OTUD7B: variants seen among roughly 807,000 people sequenced by gnomAD.
OTUD7B encodes the protein OTU domain-containing protein 7B.
OTUD7B carries 34 observed loss-of-function variants against 82.2 expected under a neutral mutation model. That is an observed-to-expected ratio of 0.41 (90% confidence interval 0.31 to 0.55). The LOEUF (loss-of-function observed/expected upper bound fraction) is 0.55, where lower values mean the gene tolerates loss of function less well. Ranked by LOEUF, OTUD7B falls within the 20% of genes least tolerant of loss-of-function variation. The pLI, the probability that OTUD7B is intolerant of heterozygous loss-of-function variation, is 0.20. For missense variants in OTUD7B, 944 were observed against 1,062.1 expected (o/e 0.89, Z 1.55); for synonymous variants, 398 against 402.7 (o/e 0.99, Z 0.14).
At chr1:149,951,992 G>A (rs1341827191) in intron 7 of OTUD7B, among the ~76,000 whole-genome samples, 1 of 151,584 alleles carries the variant, frequency 6.6e-6, no homozygotes, top group Non-Finnish European at 1.5e-5. Context: ...TTTCAGGAAT[G>A]CACCCAAAGC....
At chr1:150,039,856 G>A in the OTUD7B span, among the ~76,000 whole-genome samples, 2,466 of 151,904 alleles carry the variant, frequency 0.016, 65 homozygotes, top group African/African-American at 0.057. Context: ...TTCCTTATAC[G>A]GAGCCATTTT....
At chr1:150,014,084 G>GTGTA (rs1336267152), upstream of OTUD7B, among the ~76,000 whole-genome samples, 764 of 30,276 alleles carry the variant, frequency 0.025, 3 homozygotes, top group South Asian at 0.032. Context: ...GTGTGTGTGT[G>GTGTA]TATATATATA....
chr1:150,062,967 G>A, the OTUD7B span, among the ~76,000 whole-genome samples: 44 of 151,376 alleles, frequency 2.9e-4, no homozygotes, highest in African/African-American at 1.0e-3. Flanking sequence ...ACCCATCTCC[G>A]CCTCCCAAAG....
intron 7 of OTUD7B, among the ~76,000 whole-genome samples, chr1:149,956,290 A>C (rs1419718932): frequency 6.6e-6 from 1 of 152,104 alleles, no homozygotes; most frequent in Non-Finnish European, 1.5e-5. Context: ...TCCTTCACTT[A>C]TGAAGCTTAG....
intron 1 of OTUD7B, among the ~76,000 whole-genome samples, chr1:149,981,700 T>G (rs1650742323): frequency 6.6e-6 from 1 of 152,234 alleles, no homozygotes; most frequent in Non-Finnish European, 1.5e-5. Context: ...CTGACCTCAT[T>G]GTATAAACTT....
At chr1:149,973,973 C>T (rs1650113535) in intron 2 of OTUD7B, among the ~76,000 whole-genome samples, 1 of 151,294 alleles carries the variant, frequency 6.6e-6, no homozygotes, top group Admixed American at 6.6e-5. Context: ...TTCTCTGCCT[C>T]AGCCTCCCGA....
At chr1:149,946,855 C>A (rs1370709762) in intron 11 of OTUD7B, among the ~76,000 whole-genome samples, 1 of 150,954 alleles carries the variant, frequency 6.6e-6, no homozygotes, top group Non-Finnish European at 1.5e-5. Context: ...GCATTCGAGA[C>A]CAGCCTGGCC....
At chr1:150,013,937 A>ATATATAT (rs1553787932), upstream of OTUD7B, among the ~76,000 whole-genome samples, 10 of 81,828 alleles carry the variant, frequency 1.2e-4, 2 homozygotes, top group South Asian at 3.8e-4. Flanking sequence ...AAAAAAAAAT[A>ATATATAT]ATATATATAT....
At position 149,989,792 on chromosome 1, in the gene OTUD7B, CT is replaced by C. The variant is rs587598778; in HGVS notation, c.-66-12217del. Among the ~76,000 whole-genome samples the C allele has an allele frequency of 1.0e-3, 149 of 149,632 alleles. 1 individual carries two copies. Among genetic ancestry groups the C allele is most frequent in the African/African-American group, 3.6e-3 (147 of 40,848 alleles). On this transcript the variant is annotated intron_variant, in intron 1 of 11. Coordinates refer to ENST00000581312, the MANE Select transcript of OTUD7B (RefSeq NM_020205.4). ...GGCGGGGGGAGGGAGGGAAATTTGT[CT>C]TTTATAAAATTATATAATTCAGTTA...
At position 149,944,118 on chromosome 1, in the gene OTUD7B, A is replaced by G; in HGVS notation, c.2271T>C (p.Asp757=). 1 of 1,614,066 alleles carries G rather than the reference A, an allele frequency of 6.2e-7. No homozygotes were observed. Among genetic ancestry groups the G allele is most frequent in the Non-Finnish European group, 8.5e-7 (1 of 1,179,968 alleles). Residue 757 remains aspartate (D), a synonymous_variant, in exon 12 of 12, where the codon GAT becomes GAC. Transcript: ENST00000581312. The part of the protein sequence containing the change: ...PSLEPGSHSK[D]GLHRGALLPP... ...GTAACAAGGCACCCCTGTGAAGTCC[A>G]TCCTTAGAGTGGCTGCCTGGCTCCA... is the stretch of plus-strand genomic sequence containing the variant.
chr1:150,036,876 G>C, the OTUD7B span, among the ~76,000 whole-genome samples: 1 of 152,016 alleles, frequency 6.6e-6, no homozygotes, highest in Admixed American at 6.6e-5. Flanking sequence ...AATAATGTGA[G>C]CTCATGTATG....
chr1:150,043,531 A>G, the OTUD7B span, among the ~76,000 whole-genome samples: 3 of 152,248 alleles, frequency 2.0e-5, no homozygotes, highest in African/African-American at 7.2e-5. Flanking sequence ...GAGCTCTTCA[A>G]AAATGGAATA....
the OTUD7B span, among the ~76,000 whole-genome samples, chr1:150,061,968 G>A: frequency 6.6e-6 from 1 of 152,072 alleles, no homozygotes; most frequent in Non-Finnish European, 1.5e-5. Context: ...AGGTTTCGAT[G>A]CAGAGATCTA....
intron 1 of OTUD7B, among the ~76,000 whole-genome samples, chr1:149,990,892 G>A (rs1553781939): frequency 6.6e-6 from 1 of 151,948 alleles, no homozygotes; most frequent in African/African-American, 2.4e-5. Context: ...TTGGGAGGCT[G>A]AGACAGGAGA....
In OTUD7B at chr1:149,950,359, C is replaced by T. The variant is rs587769135; in HGVS notation, c.846-138G>A. 329 of 752,822 alleles carry T rather than the reference C, an allele frequency of 4.4e-4. 2 individuals carry two copies. Among genetic ancestry groups the T allele is most frequent in the South Asian group, 2.8e-3 (147 of 52,644 alleles). The allele number at this position is 752,822 out of a possible 1,614,324, so 46.6% of individuals were successfully genotyped here. ...TGGTTTTCCAATCTTAAGGCTGCCACTGATATAGCTGATTATTTTATGCTA... is the reference window on the plus strand; with the variant it reads ...TGGTTTTCCAATCTTAAGGCTGCCATTGATATAGCTGATTATTTTATGCTA... On this transcript the variant is annotated intron_variant, in intron 7 of 11. Coordinates refer to ENST00000581312, the MANE Select transcript of OTUD7B (RefSeq NM_020205.4).
At chr1:150,021,604 C>T in the OTUD7B span, among the ~76,000 whole-genome samples, 17 of 152,240 alleles carry the variant, frequency 1.1e-4, no homozygotes, top group South Asian at 2.3e-3. Flanking sequence ...CCCCAGAGCT[C>T]CCTGTATGGG....
intron 1 of OTUD7B, among the ~76,000 whole-genome samples, chr1:149,984,272 G>T (rs587717635): frequency 6.6e-6 from 1 of 152,022 alleles, no homozygotes; most frequent in Admixed American, 6.6e-5. Flanking sequence ...AAGCAAGAGG[G>T]GTTCCTTTAG....
chr1:149,950,854 C>T (rs1478157877), intron 7 of OTUD7B, among the ~76,000 whole-genome samples: 4 of 145,502 alleles, frequency 2.7e-5, no homozygotes, highest in East Asian at 4.0e-4. Context: ...AGCAGTGGCG[C>T]GATCTCGGCT....
the OTUD7B span, among the ~76,000 whole-genome samples, chr1:150,032,335 A>G: frequency 6.6e-6 from 1 of 151,508 alleles, no homozygotes; most frequent in Non-Finnish European, 1.5e-5. Flanking sequence ...GAAAAAAAAA[A>G]GCACACCATG....
Sources: gnomAD v4.1 joint callset for allele counts (sites outside exome capture counted in the v4.1 genomes callset) on GRCh38, gnomAD v4.1.1 for gene constraint, MANE v1.5 for transcripts, NCBI Gene and HGNC (gene_info 2026-07-23, HGNC 2026-07-21) for gene names.